GK: variants seen among roughly 807,000 people sequenced by gnomAD.
The protein encoded by GK is glycerol kinase.
GK carries 9 observed loss-of-function variants against 56.4 expected under a neutral mutation model. That is an observed-to-expected ratio of 0.16 (90% CI 0.10 to 0.28). The LOEUF is 0.28. Among genes scored for constraint, GK ranks in the 10% least tolerant of loss-of-function variants. The pLI, the probability that GK is intolerant of heterozygous loss-of-function variation, is 1.00. For missense variants in GK, 161 were observed against 431.4 expected, an observed-to-expected ratio of 0.37 and a Z score of 5.55; for synonymous variants, 104 against 144.1, an observed-to-expected ratio of 0.72 and a Z score of 1.99.
At position 30,731,424 on chromosome X, in the gene GK, T is replaced by A. The variant is rs893152579; in HGVS notation, c.*2682T>A. 1 of 112,110 alleles carries A rather than the reference T, an allele frequency of 8.9e-6. No homozygotes were observed. Among genetic ancestry groups the A allele is most frequent in the South Asian group, 3.7e-4 (1 of 2,734 alleles). The allele number at this position is 112,110 out of a possible 1,213,427, so 9.2% of individuals were successfully genotyped here. The stretch of plus-strand genomic sequence containing the variant: ...CCTTTGCTTTTGCAACCTAACAACT[T>A]TAATAATAAGTTCACACAATAAACA... On this transcript the variant is annotated 3_prime_UTR_variant, in exon 21 of 21. Coordinates refer to ENST00000427190, the MANE Select transcript of GK (RefSeq NM_001205019.2).
intron 10 of GK, 51 bp from the exon 11 acceptor site, chrX:30,700,787 G>A: frequency 1.3e-6 from 1 of 796,808 alleles, no homozygotes; most frequent in East Asian, 3.1e-5. Context: ...TAAAAAGAAA[G>A]TTAATACTAT....
Position 30,685,128 on chromosome X carries a change from CT to C in GK, c.338-5984del, listed in dbSNP as rs759747320. On this transcript the variant is annotated intron_variant, in intron 4 of 20. Coordinates refer to ENST00000427190, the MANE Select transcript of GK (RefSeq NM_001205019.2). The stretch of plus-strand genomic sequence containing the variant: ...CTTTAAACAATAAAGTATTTTTTTT[CT>C]TTTTTTTTTTCTTTTTTTTTGAGAC... 7.3e-3 allele frequency among the ~76,000 whole-genome samples: 773 copies of C among 105,492 alleles called. 5 individuals are homozygous for C. Among genetic ancestry groups the C allele is most frequent in the Middle Eastern group, 0.025 (5 of 203 alleles). 91.6% of individuals were successfully genotyped at this position (105,492 alleles called of 115,157 possible).
rs57537572 is a variant in GK, at chrX:30,660,812, CTT to C, written c.79-4683_79-4682del. On this transcript the variant is annotated intron_variant, in intron 1 of 20. Coordinates refer to ENST00000427190, the MANE Select transcript of GK (RefSeq NM_001205019.2). ...AACAGATTTTTTTTTTTTCTTTCTT[CTT>C]TTTTTTTTTTTTTTTCCGAGACGGA... 7.2e-3 allele frequency among the ~76,000 whole-genome samples: 598 copies of C among 83,308 alleles called. 4 individuals are homozygous for C. Among genetic ancestry groups the C allele is most frequent in the Non-Finnish European group, 0.012 (511 of 43,338 alleles). The allele number at this position is 83,308 out of a possible 115,157, so 72.3% of individuals were successfully genotyped here.
intron 3 of GK, among the ~76,000 whole-genome samples, chrX:30,675,520 T>TTC (rs1933828010): frequency 1.2e-5 from 1 of 85,991 alleles, no homozygotes; most frequent in Admixed American, 1.2e-4. Context: ...TTTATTCTTC[T>TTC]TTTTTTTTTT....
At chrX:30,654,469 G>A (rs753375339) in intron 1 of GK, among the ~76,000 whole-genome samples, 8 of 112,185 alleles carry the variant, frequency 7.1e-5, no homozygotes, top group Non-Finnish European at 1.3e-4. Context: ...GAGGCCGGGC[G>A]CGGTGGCTTA....
chrX:30,712,717 C>CTTTTTTTTTT (rs769269247), intron 13 of GK, among the ~76,000 whole-genome samples: 4 of 48,436 alleles, frequency 8.3e-5, no homozygotes, highest in Admixed American at 2.9e-4. Flanking sequence ...TTTTTCTTTT[C>CTTTTTTTTTT]TTTTTTTTTT....
intron 4 of GK, among the ~76,000 whole-genome samples, chrX:30,684,374 A>G (rs1462031230): frequency 8.9e-6 from 1 of 112,123 alleles, no homozygotes. Context: ...ATATAAAAAT[A>G]CCATTCATAG....
Position 30,720,024 on chromosome X carries a change from C to T in GK, c.1165C>T (p.Leu389Phe). ...EPSARGIICG[L>F]TQFTNKCHIA... ...GCGTATTTTTAGGATAATCTGTGGACTCACTCAGTTCACCAATAAATGCCA... is the reference window on the plus strand; with the variant it reads ...GCGTATTTTTAGGATAATCTGTGGATTCACTCAGTTCACCAATAAATGCCA... The change falls in exon 16 of 21, where the codon CTC becomes TTC. Residue 389 changes from leucine to phenylalanine, a missense_variant. Physicochemically the swap from Leu to Phe is conservative, Grantham distance 22. Transcript: ENST00000427190. 1.7e-6 allele frequency: 2 copies of T among 1,171,298 alleles called. No homozygotes were observed. The highest frequency in any genetic ancestry group is 2.3e-6 in the Non-Finnish European group (2 of 858,724).
intron 9 of GK, chrX:30,698,316 G>A (rs1469723517): frequency 2.7e-5 from 3 of 112,665 alleles, no homozygotes; most frequent in Non-Finnish European, 5.6e-5. Context: ...ATAGCCTCTA[G>A]GTTTCCTATA....
chrX:30,663,545 A>G (rs1012534506), intron 1 of GK, among the ~76,000 whole-genome samples: 5 of 111,123 alleles, frequency 4.5e-5, no homozygotes, highest in Non-Finnish European at 7.5e-5. Flanking sequence ...GGGCTATCAC[A>G]TGGTGTATGA....
chrX:30,687,086 T>G (rs1482015682), intron 4 of GK, among the ~76,000 whole-genome samples: 1 of 111,361 alleles, frequency 9.0e-6, no homozygotes. Context: ...AGCCCTTTCA[T>G]GTCTTAATGT....
At chrX:30,706,509 G>A (rs942512065) in intron 11 of GK, among the ~76,000 whole-genome samples, 5 of 111,975 alleles carry the variant, frequency 4.5e-5, no homozygotes, top group African/African-American at 1.6e-4. Flanking sequence ...GCAGAGCCAA[G>A]CAAGGGTGAC....
At chrX:30,676,948 C>A (rs112560974) in intron 3 of GK, among the ~76,000 whole-genome samples, 5,946 of 111,600 alleles carry the variant, frequency 0.053, 171 homozygotes, top group Non-Finnish European at 0.077. Context: ...CATGTGCACA[C>A]ACACACACAC....
At chrX:30,693,085 T>C (rs1363302402) in intron 5 of GK, among the ~76,000 whole-genome samples, 5 of 102,430 alleles carry the variant, frequency 4.9e-5, no homozygotes, top group Non-Finnish European at 1.0e-4. Context: ...GGCGTCATCT[T>C]GGCTCACTGC....
chrX:30,655,889 T>G (rs999939676), intron 1 of GK, among the ~76,000 whole-genome samples: 1 of 112,259 alleles, frequency 8.9e-6, no homozygotes, highest in East Asian at 2.8e-4. Flanking sequence ...CTTCAAAAAT[T>G]GGCTCCTGTT....
At chrX:30,694,975 A>T in intron 6 of GK, 1 of 255,660 alleles carries the variant, frequency 3.9e-6, no homozygotes, top group Non-Finnish European at 7.2e-6. Context: ...ACTAAATCAT[A>T]GTGGAAATTT....
intron 2 of GK, 37 bp from the exon 3 acceptor site, chrX:30,667,975 G>C: frequency 1.3e-6 from 1 of 741,203 alleles, no homozygotes; most frequent in Non-Finnish European, 2.1e-6. Flanking sequence ...TATTTGTGTT[G>C]CTTTCTTACT....
Position 30,700,892 on chromosome X carries a change from C to G in GK, c.838C>G (p.Gln280Glu). Residue 280 changes from glutamine (Q) to glutamate (E), a missense_variant, in exon 11 of 21, where the codon CAA becomes GAA. Coordinates refer to ENST00000427190, the MANE Select transcript of GK (RefSeq NM_001205019.2). ...LVGQMCFQIG[Q>E]AKNTYGTGCF... Reference sequence around the variant, plus strand: ...GGGACAAATGTGCTTCCAGATTGGACAAGCCAAAAATACGTGAGTTTAAGA... The same window carrying G: ...GGGACAAATGTGCTTCCAGATTGGAGAAGCCAAAAATACGTGAGTTTAAGA... The G allele has an allele frequency of 8.5e-7, 1 of 1,180,349 alleles. No individual in the cohort carries two copies. Among genetic ancestry groups the G allele is most frequent in the Non-Finnish European group, 1.2e-6 (1 of 867,012 alleles).
At chrX:30,713,031 G>A (rs1446592087) in intron 13 of GK, among the ~76,000 whole-genome samples, 1 of 111,518 alleles carries the variant, frequency 9.0e-6, no homozygotes, top group Non-Finnish European at 1.9e-5. Flanking sequence ...ACCGCGCCCG[G>A]CCTTGTTGGA....
Sources: allele counts gnomAD v4.1 joint callset (sites outside exome capture counted in the v4.1 genomes callset), GRCh38; gene constraint gnomAD v4.1.1; transcripts MANE v1.5; gene names NCBI Gene and HGNC (gene_info 2026-07-23, HGNC 2026-07-21).